Variants in KIAA1328 observed in about 807,000 individuals in gnomAD.
KIAA1328 encodes protein hinderin.
Under a neutral mutation model 68.1 loss-of-function variants are expected in KIAA1328, and 52 were observed. The observed-to-expected ratio is 0.76, with a 90% CI of 0.61 to 0.96. The LOEUF (loss-of-function observed/expected upper bound fraction) is 0.96. Among genes scored for constraint, KIAA1328 ranks in the 40% least tolerant of loss-of-function variants. The pLI is 0.00. For missense variants in KIAA1328, 641 were observed against 677.6 expected, an observed-to-expected ratio of 0.95 and a Z score of 0.60; for synonymous variants, 232 against 239.4, an observed-to-expected ratio of 0.97 and a Z score of 0.28.
At chr18:36,953,000 A>C (rs564480180) in intron 5 of KIAA1328, among the ~76,000 whole-genome samples, 30 of 151,308 alleles carry the variant, frequency 2.0e-4, no homozygotes, top group Non-Finnish European at 3.1e-4. Flanking sequence ...AAAAACCAAA[A>C]CCAAAAAAAA....
intron 6 of KIAA1328, among the ~76,000 whole-genome samples, chr18:37,021,201 TTA>T (rs1397268725): frequency 1.3e-5 from 2 of 152,224 alleles, no homozygotes; most frequent in Non-Finnish European, 2.9e-5. Context: ...GGATTTTTCA[TTA>T]TGTTTTATGA....
intron 9 of KIAA1328, among the ~76,000 whole-genome samples, chr18:37,189,628 G>C (rs977289388): frequency 6.6e-6 from 1 of 152,140 alleles, no homozygotes; most frequent in Non-Finnish European, 1.5e-5. Context: ...CCCAAGTCAG[G>C]TTTAAAGTGC....
downstream of KIAA1328, among the ~76,000 whole-genome samples, chr18:37,225,690 G>T (rs775244554): frequency 6.6e-6 from 1 of 152,194 alleles, no homozygotes; most frequent in South Asian, 2.1e-4. Context: ...AAGAAAAATG[G>T]CCCTGCCTAG....
chr18:36,896,762 G>A (rs1330851167), intron 5 of KIAA1328, among the ~76,000 whole-genome samples: 2 of 151,700 alleles, frequency 1.3e-5, no homozygotes, highest in East Asian at 3.9e-4. Flanking sequence ...TATCATTCAG[G>A]GTATTATTTA....
At chr18:37,075,295 C>T (rs1243964980) in intron 7 of KIAA1328, 1 of 152,162 alleles carries the variant, frequency 6.6e-6, no homozygotes, top group Non-Finnish European at 1.5e-5. Flanking sequence ...GAGATTTTCT[C>T]ACCACCAGAC....
chr18:37,027,947 C>T (rs980612088), intron 6 of KIAA1328, among the ~76,000 whole-genome samples: 1 of 151,950 alleles, frequency 6.6e-6, no homozygotes, highest in Admixed American at 6.6e-5. Context: ...CAGAAAATTT[C>T]TGCAATCTAC....
intron 4 of KIAA1328, among the ~76,000 whole-genome samples, chr18:36,883,280 C>G (rs1312521294): frequency 1.3e-5 from 2 of 152,132 alleles, no homozygotes; most frequent in Non-Finnish European, 2.9e-5. Flanking sequence ...TGGCGTGATG[C>G]TAAAAGTGGA....
At chr18:37,175,986 G>A (rs753193020) in intron 9 of KIAA1328, among the ~76,000 whole-genome samples, 1 of 152,152 alleles carries the variant, frequency 6.6e-6, no homozygotes, top group Non-Finnish European at 1.5e-5. Flanking sequence ...AACAGGTGTG[G>A]CAGAGTCATC....
At chr18:36,936,040 A>G (rs1291083724) in intron 5 of KIAA1328, among the ~76,000 whole-genome samples, 2 of 152,318 alleles carry the variant, frequency 1.3e-5, no homozygotes, top group East Asian at 3.9e-4. Context: ...AGAAAATGTT[A>G]ACTCTGCAGT....
In KIAA1328 at chr18:36,959,348, C is replaced by T. The variant is rs539479647; in HGVS notation, c.489C>T (p.Ser163=). ...LQYRECQELL[S]LYQKYLSEQQ... Reference sequence around the variant, plus strand: ...ATAGAGAATGCCAAGAACTTCTAAGCCTGTATCAGAAATATTTATCAGAAC... The same window carrying T: ...ATAGAGAATGCCAAGAACTTCTAAGTCTGTATCAGAAATATTTATCAGAAC... Residue 163 remains serine, a synonymous_variant, in exon 6 of 10, where the codon AGC becomes AGT. Transcript: ENST00000280020. The T allele has an allele frequency of 3.7e-6, 6 of 1,605,630 alleles. No individual in the cohort carries two copies. In the Admixed American group the frequency reaches 1.0e-4, roughly 27 times the overall value.
At chr18:37,080,698 C>T (rs1160483201) in intron 7 of KIAA1328, among the ~76,000 whole-genome samples, 3 of 151,148 alleles carry the variant, frequency 2.0e-5, no homozygotes, top group Non-Finnish European at 2.9e-5. Flanking sequence ...TTGCTTGAAC[C>T]TGGGAGACGG....
intron 5 of KIAA1328, among the ~76,000 whole-genome samples, chr18:36,935,056 C>T (rs1321627175): frequency 2.6e-5 from 4 of 152,204 alleles, no homozygotes; most frequent in South Asian, 2.1e-4. Flanking sequence ...GGGAAAGTTA[C>T]AGCTATAGTC....
At chr18:36,839,791 A>G (rs2046798866) in intron 3 of KIAA1328, among the ~76,000 whole-genome samples, 2 of 152,126 alleles carry the variant, frequency 1.3e-5, no homozygotes, top group East Asian at 3.9e-4. Context: ...TACTCTTTTG[A>G]ATACTCTTCC....
intron 6 of KIAA1328, among the ~76,000 whole-genome samples, chr18:37,042,288 C>T (rs1051879406): frequency 6.6e-6 from 1 of 152,034 alleles, no homozygotes; most frequent in Non-Finnish European, 1.5e-5. Context: ...ACATATATAC[C>T]TTTACCTACA....
chr18:37,092,961 A>G (rs1222554979), intron 7 of KIAA1328, among the ~76,000 whole-genome samples: 1 of 152,172 alleles, frequency 6.6e-6, no homozygotes, highest in African/African-American at 2.4e-5. Flanking sequence ...ACACTCATCC[A>G]GCCACCACCA....
chr18:36,918,586 T>C (rs1343551028), intron 5 of KIAA1328, among the ~76,000 whole-genome samples: 1 of 152,112 alleles, frequency 6.6e-6, no homozygotes, highest in Non-Finnish European at 1.5e-5. Flanking sequence ...CTAACTGTTT[T>C]GTATTTTTAG....
At chr18:36,863,552 A>C (rs2047640803) in intron 4 of KIAA1328, among the ~76,000 whole-genome samples, 1 of 152,174 alleles carries the variant, frequency 6.6e-6, no homozygotes, top group African/African-American at 2.4e-5. Flanking sequence ...TGTCTACATA[A>C]AATTCTGCTG....
intron 5 of KIAA1328, among the ~76,000 whole-genome samples, chr18:36,952,695 C>G (rs2051211571): frequency 6.6e-6 from 1 of 152,184 alleles, no homozygotes; most frequent in African/African-American, 2.4e-5. Flanking sequence ...ATTCAGAAAA[C>G]ATTTGTTAAA....
chr18:37,004,337 G>A (rs764665063), intron 6 of KIAA1328, among the ~76,000 whole-genome samples: 4 of 150,738 alleles, frequency 2.7e-5, no homozygotes, highest in African/African-American at 4.9e-5. Flanking sequence ...ATTTTTTTTC[G>A]CTATATAACA....
Sources: allele counts gnomAD v4.1 joint callset (sites outside exome capture counted in the v4.1 genomes callset), GRCh38; gene constraint gnomAD v4.1.1; transcripts MANE v1.5; gene names NCBI Gene and HGNC (gene_info 2026-07-23, HGNC 2026-07-21).